JMJD1C: variants seen among roughly 807,000 people sequenced by gnomAD.
JMJD1C encodes jumonji domain-containing protein 1C.
In JMJD1C, 31 loss-of-function variants were observed where a neutral mutation model predicts 245.3. The ratio of observed to expected loss-of-function variants is 0.13; its 90% CI spans 0.09 to 0.17. The LOEUF is 0.17. Ranked by LOEUF, JMJD1C falls within the 10% of genes least tolerant of loss-of-function variation. The pLI, the probability that JMJD1C is intolerant of heterozygous loss-of-function variation, is 1.00. For missense variants in JMJD1C, 2,691 were observed against 3,000.2 expected, an observed-to-expected ratio of 0.90 and a Z score of 2.41; for synonymous variants, 1,057 against 1,017.4, an observed-to-expected ratio of 1.04 and a Z score of -0.74.
At chr10:63,216,828 T>G (rs921144976) in intron 5 of JMJD1C, among the ~76,000 whole-genome samples, 5 of 152,258 alleles carry the variant, frequency 3.3e-5, no homozygotes, top group Non-Finnish European at 7.3e-5. Context: ...AGAAATGTAC[T>G]GTGTGTTTAA....
At chr10:63,440,705 C>T (rs1951333185) in intron 1 of JMJD1C, among the ~76,000 whole-genome samples, 1 of 152,096 alleles carries the variant, frequency 6.6e-6, no homozygotes, top group African/African-American at 2.4e-5. Flanking sequence ...TTCAAAATAT[C>T]TTCCTTGAAG....
At position 63,494,309 on chromosome 10, in the gene JMJD1C, C is replaced by T. The variant is rs1219895248; in HGVS notation, n.113+27429G>A. Among the ~76,000 whole-genome samples, 4 of 146,748 alleles carry T rather than the reference C, an allele frequency of 2.7e-5. No homozygotes were observed. In the South Asian group the frequency reaches 8.5e-4, roughly 31 times the overall value. On this transcript the variant is annotated intron_variant and non_coding_transcript_variant, in intron 1 of 3. Coordinates refer to the JMJD1C transcript ENST00000633035. ...CTGGGCAACATAAACGAAACTCCGT[C>T]TCAAAAAAAAAAAAAAGTTTGGAAA...
At chr10:63,424,277 C>T (rs1193850712) in intron 1 of JMJD1C, among the ~76,000 whole-genome samples, 2 of 150,716 alleles carry the variant, frequency 1.3e-5, no homozygotes, top group African/African-American at 4.9e-5. Flanking sequence ...ATATTGCCCA[C>T]GCTGGTCTTG....
chr10:63,209,900 C>A (rs1333809926), intron 8 of JMJD1C, among the ~76,000 whole-genome samples: 1 of 152,166 alleles, frequency 6.6e-6, no homozygotes, highest in Non-Finnish European at 1.5e-5. Flanking sequence ...TATCTGACTA[C>A]ATGCTTAAGG....
chr10:63,239,420 A>G (rs920216139), intron 3 of JMJD1C, among the ~76,000 whole-genome samples: 1 of 152,158 alleles, frequency 6.6e-6, no homozygotes, highest in African/African-American at 2.4e-5. Flanking sequence ...TGTAAGGGCA[A>G]GAGAGAGACC....
Position 63,332,817 on chromosome 10 carries a change from A to C in JMJD1C, c.333+47501T>G, listed in dbSNP as rs1025694795. Among the ~76,000 whole-genome samples the C allele has an allele frequency of 5.3e-5, 8 of 152,212 alleles. No homozygotes were observed. The South Asian group carries it at 1.7e-3, about 32-fold the overall frequency. Reference sequence around the variant, plus strand: ...GAGAGTTACACATATTTGATTTTTCAACTAGCTGTATGAGGTAGAGATTTT... The same window carrying C: ...GAGAGTTACACATATTTGATTTTTCCACTAGCTGTATGAGGTAGAGATTTT... On this transcript the variant is annotated intron_variant, in intron 2 of 25. Coordinates refer to ENST00000399262, the MANE Select transcript of JMJD1C (RefSeq NM_032776.3).
At position 63,307,106 on chromosome 10, in the gene JMJD1C, G is replaced by T. The variant is rs138676665; in HGVS notation, c.334-42342C>A. Reference sequence around the variant, plus strand: ...TTAAAGGCAAAATTTTTTCATTTAGGTATTTTTACAGTGGTTGGTGTCCAC... The same window carrying T: ...TTAAAGGCAAAATTTTTTCATTTAGTTATTTTTACAGTGGTTGGTGTCCAC... On this transcript the variant is annotated intron_variant, in intron 2 of 25. Transcript: ENST00000399262. Among the ~76,000 whole-genome samples, 9 of 151,894 alleles carry T rather than the reference G, an allele frequency of 5.9e-5. No individual in the cohort carries two copies. In the East Asian group the frequency reaches 1.7e-3, roughly 29 times the overall value.
chr10:63,463,942 T>C (rs1952985898), intron 1 of JMJD1C, among the ~76,000 whole-genome samples: 1 of 152,200 alleles, frequency 6.6e-6, no homozygotes, highest in Admixed American at 6.5e-5. Context: ...ATCACTTAAA[T>C]TCCCAACTAA....
At chr10:63,251,637 T>C (rs1480160266) in intron 3 of JMJD1C, among the ~76,000 whole-genome samples, 1 of 152,142 alleles carries the variant, frequency 6.6e-6, no homozygotes, top group Non-Finnish European at 1.5e-5. Context: ...TTATAACCAT[T>C]CAGAAAGGAA....
intron 2 of JMJD1C, among the ~76,000 whole-genome samples, chr10:63,275,766 T>C (rs1203498877): frequency 2.0e-5 from 3 of 152,198 alleles, no homozygotes; most frequent in Admixed American, 6.5e-5. Flanking sequence ...AAAGATCCCA[T>C]ATTCTTATCC....
intron 1 of JMJD1C, among the ~76,000 whole-genome samples, chr10:63,430,175 C>A (rs1277249032): frequency 2.6e-5 from 4 of 152,132 alleles, no homozygotes; most frequent in Non-Finnish European, 5.9e-5. Context: ...TTACTTCACA[C>A]CATATACAAA....
At chr10:63,335,588 C>T (rs1011596633) in intron 2 of JMJD1C, among the ~76,000 whole-genome samples, 3 of 152,088 alleles carry the variant, frequency 2.0e-5, no homozygotes, top group South Asian at 2.1e-4. Flanking sequence ...CCCGGCTCAC[C>T]GCAAGCTCCG....
Position 63,464,404 on chromosome 10 carries a change from T to G in JMJD1C, c.168+1091A>C, listed in dbSNP as rs138154384. ...GTAGATACCTGTACAAATATTACAA[T>G]GAATTTGGAATTGTAAGCTTTCATG... is the stretch of plus-strand genomic sequence containing the variant. On this transcript the variant is annotated intron_variant, in intron 1 of 25. Transcript: ENST00000399262. 2.8e-3 allele frequency among the ~76,000 whole-genome samples: 432 copies of G among 152,082 alleles called. 2 individuals are homozygous for G. Among genetic ancestry groups the G allele is most frequent in the Non-Finnish European group, 3.0e-3 (207 of 67,992 alleles).
intron 2 of JMJD1C, among the ~76,000 whole-genome samples, chr10:63,337,956 A>T (rs781201440): frequency 1.3e-5 from 2 of 152,248 alleles, no homozygotes; most frequent in Non-Finnish European, 2.9e-5. Context: ...TGTGGCAAGT[A>T]AAACTATAAG....
At chr10:63,361,719 TAAAA>T (rs55879769) in intron 2 of JMJD1C, among the ~76,000 whole-genome samples, 3 of 95,548 alleles carry the variant, frequency 3.1e-5, no homozygotes, top group African/African-American at 8.8e-5. Context: ...CTGTCTCAAC[TAAAA>T]AAAAAAAAAA....
At chr10:63,228,049 TA>T (rs1436236631) in intron 3 of JMJD1C, among the ~76,000 whole-genome samples, 3 of 152,170 alleles carry the variant, frequency 2.0e-5, no homozygotes, top group African/African-American at 7.2e-5. Flanking sequence ...TGCAGTTAAC[TA>T]AATGAAGGTA....
At chr10:63,253,675 C>T (rs759676482) in intron 3 of JMJD1C, among the ~76,000 whole-genome samples, 3 of 152,072 alleles carry the variant, frequency 2.0e-5, no homozygotes, top group African/African-American at 4.8e-5. Flanking sequence ...CGTGAGCCAC[C>T]GCGCCCGGCC....
At chr10:63,225,448 T>C (rs769653595) in intron 3 of JMJD1C, among the ~76,000 whole-genome samples, 4 of 152,154 alleles carry the variant, frequency 2.6e-5, no homozygotes, top group African/African-American at 4.8e-5. Flanking sequence ...TGAACTCTAA[T>C]TGAACATTAG....
intron 1 of JMJD1C, among the ~76,000 whole-genome samples, chr10:63,393,932 G>A (rs1589659151): frequency 1.3e-5 from 2 of 152,166 alleles, no homozygotes. Context: ...TGTAATCCCA[G>A]CACTTTCAGA....
Sources: gnomAD v4.1 joint callset for allele counts (sites outside exome capture counted in the v4.1 genomes callset) on GRCh38, gnomAD v4.1.1 for gene constraint, MANE v1.5 for transcripts, NCBI Gene and HGNC (gene_info 2026-07-23, HGNC 2026-07-21) for gene names.